The following C4orf51 variants were observed in gnomAD, a reference collection of about 807,000 sequenced individuals.
C4orf51 encodes the protein uncharacterized protein C4orf51.
C4orf51 carries 25 observed loss-of-function variants against 25.2 expected under a neutral mutation model. That is an observed-to-expected ratio of 0.99 (90% CI 0.72 to 1.39). The LOEUF is 1.39. Among genes scored for constraint, C4orf51 ranks in the 40% most tolerant of loss-of-function variants. The probability of loss-of-function intolerance (pLI) is 0.00; values close to 1 mark genes in which losing one functional copy is unlikely to be tolerated. For synonymous variants in C4orf51, 100 were observed against 84.5 expected (o/e 1.18, Z -1.01); for missense variants, 252 against 239.6 (o/e 1.05, Z -0.34).
chr4:145,685,714 T>C (rs1359144397), intron 1 of C4orf51, among the ~76,000 whole-genome samples: 1 of 152,200 alleles, frequency 6.6e-6, no homozygotes. Context: ...GGCCGTCTGC[T>C]TGTGGATTTC....
At chr4:145,707,231 G>A (rs1214770741) in intron 2 of C4orf51, among the ~76,000 whole-genome samples, 3 of 152,140 alleles carry the variant, frequency 2.0e-5, no homozygotes, top group East Asian at 1.9e-4. Context: ...GAGCCACCGC[G>A]CCAGGCCCAT....
chr4:145,700,702 T>C (rs1368217470), intron 2 of C4orf51, among the ~76,000 whole-genome samples: 3 of 152,132 alleles, frequency 2.0e-5, no homozygotes, highest in Non-Finnish European at 4.4e-5. Context: ...TCTTCCTTCC[T>C]TCCCGCCTGT....
intron 1 of C4orf51, chr4:145,764,889 C>T (rs1735048774): frequency 9.6e-6 from 15 of 1,563,512 alleles, no homozygotes; most frequent in Non-Finnish European, 1.3e-5. Context: ...CTCCCCTTCT[C>T]CATGACTCCC....
intron 2 of C4orf51, among the ~76,000 whole-genome samples, chr4:145,702,332 G>A (rs1431911240): frequency 6.6e-6 from 1 of 151,480 alleles, no homozygotes; most frequent in African/African-American, 2.4e-5. Flanking sequence ...ATTCTGTTCT[G>A]GATCTCAAAC....
In C4orf51 at chr4:145,701,310, C is replaced by T. The variant is rs935440851; in HGVS notation, c.307+4678C>T. The stretch of plus-strand genomic sequence containing the variant: ...CACATCTCCAGCACACAAGAACTTC[C>T]AAACGCCTAAACCGAAGTGCCCAGG... On this transcript the variant is annotated intron_variant, in intron 2 of 5. Coordinates refer to ENST00000438731, the MANE Select transcript of C4orf51 (RefSeq NM_001080531.3). 2.6e-5 allele frequency among the ~76,000 whole-genome samples: 4 copies of T among 152,122 alleles called. No individual in the cohort carries two copies. The East Asian group carries it at 7.7e-4, about 29-fold the overall frequency.
chr4:145,734,008 A>G (rs561455837), downstream of C4orf51, among the ~76,000 whole-genome samples: 4 of 152,344 alleles, frequency 2.6e-5, no homozygotes, highest in South Asian at 2.1e-4. Flanking sequence ...GTTTTTTACT[A>G]TACGCAGAGG....
At chr4:145,716,847 C>T (rs1042088935) in intron 2 of C4orf51, among the ~76,000 whole-genome samples, 4 of 152,118 alleles carry the variant, frequency 2.6e-5, no homozygotes, top group African/African-American at 7.2e-5. Flanking sequence ...TTTATGTGTT[C>T]CTCTGTGGTT....
At chr4:145,711,401 T>C (rs991228271) in intron 2 of C4orf51, among the ~76,000 whole-genome samples, 1 of 152,232 alleles carries the variant, frequency 6.6e-6, no homozygotes, top group African/African-American at 2.4e-5. Flanking sequence ...GGGTTGAATC[T>C]GTTTGGGAAT....
chr4:145,693,697 C>T (rs1412557031), intron 1 of C4orf51, among the ~76,000 whole-genome samples: 1 of 89,552 alleles, frequency 1.1e-5, no homozygotes, highest in Non-Finnish European at 2.2e-5. Context: ...GAGGGGGCGG[C>T]TGGCCGGACG....
chr4:145,707,970 C>T (rs1730915632), intron 2 of C4orf51, among the ~76,000 whole-genome samples: 2 of 152,194 alleles, frequency 1.3e-5, no homozygotes, highest in African/African-American at 4.8e-5. Context: ...GTGGTTTGGC[C>T]CTTGAAGCAG....
Position 145,765,084 on chromosome 4 carries a change from C to T in C4orf51, n.167-5904C>T, listed in dbSNP as rs1478583447. 5 of 1,614,202 alleles carry T rather than the reference C, an allele frequency of 3.1e-6. No individual in the cohort carries two copies. Among genetic ancestry groups the T allele is most frequent in the South Asian group, 1.1e-5 (1 of 91,090 alleles). On this transcript the variant is annotated intron_variant and non_coding_transcript_variant, in intron 1 of 1. Coordinates refer to the C4orf51 transcript ENST00000510096. The surrounding 1 kb of genome is among the most constrained non-coding windows in gnomAD (Gnocchi z 4.7). ...GTGGCACACATCACACTCAAACATC[C>T]GGGTGATGAGGTGTATCTGCAGATG...
At chr4:145,759,159 A>G (rs1734193751), downstream of C4orf51, 1 of 152,222 alleles carries the variant, frequency 6.6e-6, no homozygotes. Context: ...ATAAACTTTT[A>G]TATTCCAAAC....
At chr4:145,764,933 G>A in intron 1 of C4orf51, 1 of 1,607,838 alleles carries the variant, frequency 6.2e-7, no homozygotes, top group Non-Finnish European at 8.5e-7. Context: ...GGTAGGGAAG[G>A]GGAAAGGGTA....
chr4:145,757,454 T>C (rs903851624), downstream of C4orf51, among the ~76,000 whole-genome samples: 1 of 152,208 alleles, frequency 6.6e-6, no homozygotes, highest in Admixed American at 6.5e-5. Flanking sequence ...CAGTTTGCAT[T>C]ATAACCATCG....
chr4:145,711,374 A>G (rs756099758), intron 2 of C4orf51, among the ~76,000 whole-genome samples: 111 of 152,334 alleles, frequency 7.3e-4, no homozygotes, highest in Non-Finnish European at 1.4e-3. Context: ...TCGCCTAACA[A>G]TGGAAAAGTC....
At chr4:145,707,027 G>A (rs1450977241) in intron 2 of C4orf51, among the ~76,000 whole-genome samples, 1 of 152,104 alleles carries the variant, frequency 6.6e-6, no homozygotes. Flanking sequence ...TATTGGGCAG[G>A]CTGCTCTTGA....
Position 145,729,297 on chromosome 4 carries a change from A to ATTTTTTTTTTT in C4orf51, c.427+82_427+92dup, listed in dbSNP as rs547075220. The ATTTTTTTTTTT allele has an allele frequency of 3.1e-4, 92 of 292,866 alleles. 4 individuals carry two copies. Among genetic ancestry groups the ATTTTTTTTTTT allele is most frequent in the African/African-American group, 9.3e-4 (19 of 20,380 alleles). 18.1% of individuals were successfully genotyped at this position (292,866 alleles called of 1,614,324 possible). A position where few individuals can be genotyped will look rare whatever the true frequency, so the allele number is the denominator to read the frequency against. On this transcript the variant is annotated intron_variant, in intron 4 of 5. Transcript: ENST00000438731. ...CCTTTATTTTAATCGTGGTCATGTG[A>ATTTTTTTTTTT]TTTTTTTTTTTTTTTTTTTTTTTTG...
intron 2 of C4orf51, among the ~76,000 whole-genome samples, chr4:145,720,376 A>T (rs1197019956): frequency 6.6e-6 from 1 of 151,824 alleles, no homozygotes; most frequent in Non-Finnish European, 1.5e-5. Context: ...CTCACTTCTC[A>T]CTTCTCCTCA....
intron 1 of C4orf51, among the ~76,000 whole-genome samples, chr4:145,689,386 TTGCATCTATGAGACATATATGTATCTATA>T (rs1254437614): frequency 6.6e-6 from 1 of 151,950 alleles, no homozygotes; most frequent in Non-Finnish European, 1.5e-5. Flanking sequence ...GACAAAAGGC[TTGCATCTATGAGACATATATGTATCTATA>T]TACATATATG....
Sources: gnomAD v4.1 joint callset for allele counts (sites outside exome capture counted in the v4.1 genomes callset) on GRCh38, gnomAD v4.1.1 for gene constraint, Gnocchi (gnomAD v3.1) non-coding constraint, MANE v1.5 for transcripts, NCBI Gene and HGNC (gene_info 2026-07-23, HGNC 2026-07-21) for gene names.